SOX5: variants seen among roughly 807,000 people sequenced by gnomAD.
SOX5 encodes SRY-box transcription factor 5.
In SOX5, 9 loss-of-function variants were observed where a neutral mutation model predicts 92.0. The ratio of observed to expected loss-of-function variants is 0.10; its 90% CI spans 0.06 to 0.17. The LOEUF is 0.17. Among genes scored for constraint, SOX5 ranks in the 10% least tolerant of loss-of-function variants. The pLI is 1.00. For missense variants in SOX5, 642 were observed against 944.5 expected, an observed-to-expected ratio of 0.68 and a Z score of 4.20; for synonymous variants, 344 against 336.3, an observed-to-expected ratio of 1.02 and a Z score of -0.25.
intron 1 of SOX5, among the ~76,000 whole-genome samples, chr12:24,474,701 A>G (rs759248791): frequency 1.3e-4 from 20 of 150,872 alleles, no homozygotes; most frequent in Non-Finnish European, 2.7e-4. Flanking sequence ...ACGCCCAGCT[A>G]ATTTTTGTAT....
At chr12:24,458,692 A>G (rs1943291123) in intron 1 of SOX5, among the ~76,000 whole-genome samples, 2 of 152,198 alleles carry the variant, frequency 1.3e-5, no homozygotes, top group South Asian at 4.1e-4. Context: ...CTTGTTAGTA[A>G]CACAGAATCT....
At chr12:23,802,062 C>A (rs1400109474) in intron 3 of SOX5, among the ~76,000 whole-genome samples, 1 of 151,906 alleles carries the variant, frequency 6.6e-6, no homozygotes, top group Non-Finnish European at 1.5e-5. Context: ...TAATTCTTTT[C>A]TTTTTCTTTC....
chr12:24,076,042 G>A (rs115310016), intron 4 of SOX5, among the ~76,000 whole-genome samples: 7 of 152,176 alleles, frequency 4.6e-5, no homozygotes, highest in Admixed American at 2.0e-4. Flanking sequence ...TGTAACTTTC[G>A]CCCCATTGGT....
intron 1 of SOX5, among the ~76,000 whole-genome samples, chr12:24,417,737 A>C (rs1300515312): frequency 6.6e-6 from 1 of 152,202 alleles, no homozygotes; most frequent in Non-Finnish European, 1.5e-5. Flanking sequence ...GGAAGCCTGG[A>C]GAAAAGGATA....
In SOX5 at chr12:24,241,010, T is replaced by C. The variant is rs149808592; in HGVS notation, c.-76-27593A>G. The stretch of plus-strand genomic sequence containing the variant: ...TTTAAGTGTGATGGTTTATATGTGG[T>C]GCCATGAAATAGAAAGATTGGTTTG... On this transcript the variant is annotated intron_variant, in intron 3 of 4. Coordinates refer to the SOX5 transcript ENST00000446891. Among the ~76,000 whole-genome samples the C allele has an allele frequency of 7.2e-5, 11 of 152,288 alleles. No individual in the cohort carries two copies. The East Asian group carries it at 9.7e-4, about 13-fold the overall frequency.
intron 4 of SOX5, among the ~76,000 whole-genome samples, chr12:24,011,492 T>C (rs1236055142): frequency 1.3e-5 from 2 of 152,224 alleles, no homozygotes; most frequent in Non-Finnish European, 2.9e-5. Context: ...TCTTTCTTTT[T>C]ACTTTCCCAA....
chr12:24,333,619 A>T (rs1951571412), intron 2 of SOX5, among the ~76,000 whole-genome samples: 1 of 152,100 alleles, frequency 6.6e-6, no homozygotes. Flanking sequence ...GGAAATAAAA[A>T]ATAGAAGTAT....
chr12:24,388,269 G>A (rs1385027500), intron 1 of SOX5, among the ~76,000 whole-genome samples: 1 of 152,150 alleles, frequency 6.6e-6, no homozygotes, highest in East Asian at 1.9e-4. Context: ...CCAGATGCAA[G>A]CTCGACCCTT....
intron 6 of SOX5, among the ~76,000 whole-genome samples, chr12:23,683,253 A>T (rs2086924944): frequency 6.6e-6 from 1 of 151,850 alleles, no homozygotes; most frequent in Non-Finnish European, 1.5e-5. Flanking sequence ...CTTTTTAGTT[A>T]TTCTGCTTGT....
intron 4 of SOX5, among the ~76,000 whole-genome samples, chr12:24,081,811 C>T (rs757345677): frequency 2.0e-5 from 3 of 151,936 alleles, no homozygotes; most frequent in Non-Finnish European, 4.4e-5. Context: ...AATAGCCATT[C>T]AAACGTTCTT....
intron 3 of SOX5, among the ~76,000 whole-genome samples, chr12:23,813,186 T>A (rs931984060): frequency 1.3e-5 from 2 of 152,190 alleles, no homozygotes; most frequent in Non-Finnish European, 2.9e-5. Context: ...TTTTAAAAAA[T>A]AAGGAGCAGT....
chr12:24,015,448 C>T (rs1226467122), intron 4 of SOX5, among the ~76,000 whole-genome samples: 1 of 152,086 alleles, frequency 6.6e-6, no homozygotes, highest in Non-Finnish European at 1.5e-5. Flanking sequence ...ATAAAGAGGG[C>T]CCTTCTAAAG....
chr12:23,878,076 T>C (rs2137029776), intron 2 of SOX5, among the ~76,000 whole-genome samples: 1 of 152,210 alleles, frequency 6.6e-6, no homozygotes, highest in Non-Finnish European at 1.5e-5. Context: ...GTTATCGCTA[T>C]TAGAACTTCG....
At chr12:24,516,413 C>T (rs565057702) in intron 1 of SOX5, among the ~76,000 whole-genome samples, 1 of 152,210 alleles carries the variant, frequency 6.6e-6, no homozygotes, top group East Asian at 1.9e-4. Flanking sequence ...GCAACAACTT[C>T]ATTATATTTT....
chr12:24,361,297 TA>T (rs1293939507), intron 2 of SOX5, among the ~76,000 whole-genome samples: 1 of 152,148 alleles, frequency 6.6e-6, no homozygotes, highest in Non-Finnish European at 1.5e-5. Context: ...ATGTTGCTTA[TA>T]AATCAACCTA....
chr12:23,891,836 A>C (rs937122813), intron 2 of SOX5, among the ~76,000 whole-genome samples: 1 of 152,180 alleles, frequency 6.6e-6, no homozygotes, highest in African/African-American at 2.4e-5. Context: ...AATGTATCTT[A>C]ATCAGTTTAA....
chr12:24,203,343 T>C (rs906602730), intron 4 of SOX5, among the ~76,000 whole-genome samples: 1 of 152,220 alleles, frequency 6.6e-6, no homozygotes, highest in Non-Finnish European at 1.5e-5. Flanking sequence ...GTTCTGGCCC[T>C]GGAATCATCC....
chr12:23,755,959 A>T (rs1031893189), intron 3 of SOX5, among the ~76,000 whole-genome samples: 1 of 151,862 alleles, frequency 6.6e-6, no homozygotes, highest in Non-Finnish European at 1.5e-5. Flanking sequence ...CTTTATGACA[A>T]TGGGTACACA....
intron 2 of SOX5, among the ~76,000 whole-genome samples, chr12:24,361,324 G>A (rs775301147): frequency 2.0e-5 from 3 of 152,010 alleles, no homozygotes; most frequent in African/African-American, 7.3e-5. Flanking sequence ...ATGTATGCTC[G>A]AGCCCTGAGA....
Sources: allele counts gnomAD v4.1 joint callset (sites outside exome capture counted in the v4.1 genomes callset), GRCh38; gene constraint gnomAD v4.1.1; transcripts MANE v1.5; gene names NCBI Gene and HGNC (gene_info 2026-07-23, HGNC 2026-07-21).